The following DAB1 variants were observed in gnomAD, a reference collection of about 807,000 sequenced individuals.
The protein encoded by DAB1 is disabled homolog 1.
A neutral mutation model predicts 64.6 loss-of-function variants in DAB1; 15 were observed. The ratio of observed to expected loss-of-function variants is 0.23; its 90% CI spans 0.16 to 0.36. The LOEUF is 0.36. DAB1 is among the 10% of genes least tolerant of loss of function. The probability of loss-of-function intolerance (pLI) is 1.00; values close to 1 mark genes in which losing one functional copy is unlikely to be tolerated. For synonymous variants in DAB1, 235 were observed against 251.9 expected, an observed-to-expected ratio of 0.93 and a Z score of 0.64; for missense variants, 596 against 706.7, an observed-to-expected ratio of 0.84 and a Z score of 1.78.
intron 5 of DAB1, among the ~76,000 whole-genome samples, chr1:58,125,148 A>G (rs551515867): frequency 4.6e-5 from 7 of 152,216 alleles, no homozygotes; most frequent in Non-Finnish European, 7.3e-5. Context: ...TCACTGAAGA[A>G]GCATTTAAAA....
Position 57,146,238 on chromosome 1 carries a change from G to C in DAB1, c.68-809C>G, listed in dbSNP as rs187788159. 3.9e-5 allele frequency among the ~76,000 whole-genome samples: 6 copies of C among 152,250 alleles called. No homozygotes were observed. The East Asian group carries it at 9.6e-4, about 24-fold the overall frequency. On this transcript the variant is annotated intron_variant, in intron 2 of 14. Transcript: ENST00000371236. ...TTTCCATTTTCCAGATGATGAAGTC[G>C]AAGGTCACAGAGTTTAGGTAGCTTG...
At chr1:57,915,567 TC>T (rs34396068) in intron 5 of DAB1, among the ~76,000 whole-genome samples, 8,775 of 151,776 alleles carry the variant, frequency 0.058, 830 homozygotes, top group African/African-American at 0.2. Context: ...TGCTTTCAAT[TC>T]CCCCCCAGCT....
At chr1:57,763,064 C>A (rs571198014) in intron 6 of DAB1, among the ~76,000 whole-genome samples, 8 of 152,110 alleles carry the variant, frequency 5.3e-5, no homozygotes, top group Non-Finnish European at 8.8e-5. Flanking sequence ...CTCTACCACT[C>A]CCTCCCCTAT....
At chr1:57,635,268 G>T (rs755934814) in intron 7 of DAB1, among the ~76,000 whole-genome samples, 18 of 152,120 alleles carry the variant, frequency 1.2e-4, no homozygotes, top group Non-Finnish European at 2.2e-4. Flanking sequence ...TAATCCAGGG[G>T]TCCCCAAACC....
intron 7 of DAB1, among the ~76,000 whole-genome samples, chr1:57,584,287 C>A (rs534221980): frequency 2.3e-4 from 35 of 152,316 alleles, no homozygotes; most frequent in African/African-American, 8.2e-4. Flanking sequence ...CTCTGTGAAT[C>A]TGTTGTGATT....
At chr1:58,250,541 C>G (rs1157097989) in intron 4 of DAB1, among the ~76,000 whole-genome samples, 1 of 152,202 alleles carries the variant, frequency 6.6e-6, no homozygotes, top group Non-Finnish European at 1.5e-5. Context: ...ATACCTTATA[C>G]ATCACTACCG....
intron 1 of DAB1, among the ~76,000 whole-genome samples, chr1:57,366,289 T>C (rs1679988422): frequency 6.6e-6 from 1 of 152,386 alleles, no homozygotes; most frequent in East Asian, 1.9e-4. Context: ...ACAAATATGC[T>C]TCCTTCCATT....
At chr1:58,076,499 G>A (rs1392659460) in intron 5 of DAB1, among the ~76,000 whole-genome samples, 1 of 152,202 alleles carries the variant, frequency 6.6e-6, no homozygotes, top group Non-Finnish European at 1.5e-5. Context: ...AGTGTTAAAA[G>A]AAAGGAGCCA....
At chr1:57,877,623 C>T (rs867983255) in intron 1 of DAB1, among the ~76,000 whole-genome samples, 1 of 22,948 alleles carries the variant, frequency 4.4e-5, no homozygotes, top group Non-Finnish European at 8.2e-5. Flanking sequence ...TGCAGTGGCG[C>T]AATCTCGGCT....
intron 3 of DAB1, among the ~76,000 whole-genome samples, chr1:58,419,332 G>A (rs1379919821): frequency 6.6e-6 from 1 of 152,128 alleles, no homozygotes; most frequent in Non-Finnish European, 1.5e-5. Flanking sequence ...GACTAATGGT[G>A]TTTATCTCAC....
chr1:57,527,088 C>T (rs1644602335), intron 7 of DAB1, among the ~76,000 whole-genome samples: 1 of 152,136 alleles, frequency 6.6e-6, no homozygotes, highest in African/African-American at 2.4e-5. Flanking sequence ...GTGCTCTTTC[C>T]ATGAAACTAG....
At chr1:57,462,071 A>T (rs1204026979) in intron 7 of DAB1, among the ~76,000 whole-genome samples, 1 of 144,722 alleles carries the variant, frequency 6.9e-6, no homozygotes, top group East Asian at 2.1e-4. Context: ...CTCCTGCCTC[A>T]GCCTCCCAAG....
At chr1:57,663,623 T>A (rs1401224957) in intron 6 of DAB1, among the ~76,000 whole-genome samples, 1 of 152,114 alleles carries the variant, frequency 6.6e-6, no homozygotes, top group African/African-American at 2.4e-5. Flanking sequence ...TCCCTCCCAA[T>A]ATTTTCTTAT....
intron 5 of DAB1, among the ~76,000 whole-genome samples, chr1:57,993,844 C>T (rs1433759770): frequency 1.3e-5 from 2 of 152,170 alleles, no homozygotes; most frequent in Non-Finnish European, 2.9e-5. Context: ...CCTACAATCC[C>T]AACCCCAGTA....
intron 3 of DAB1, among the ~76,000 whole-genome samples, chr1:58,423,734 C>T (rs774303561): frequency 6.6e-6 from 1 of 152,220 alleles, no homozygotes; most frequent in Non-Finnish European, 1.5e-5. Flanking sequence ...TGACCTTCTT[C>T]GTGGGCTCCA....
At chr1:58,237,150 C>T (rs1169803718) in intron 4 of DAB1, among the ~76,000 whole-genome samples, 2 of 152,092 alleles carry the variant, frequency 1.3e-5, no homozygotes, top group Non-Finnish European at 2.9e-5. Context: ...GGAGGAGAAA[C>T]AGGCACAGAA....
intron 3 of DAB1, among the ~76,000 whole-genome samples, chr1:58,472,318 C>T (rs1296723857): frequency 6.6e-6 from 1 of 152,246 alleles, no homozygotes; most frequent in Non-Finnish European, 1.5e-5. Context: ...AATAGTTCTT[C>T]CTCATCTGTC....
intron 9 of DAB1, among the ~76,000 whole-genome samples, chr1:57,039,791 T>C (rs1009858629): frequency 6.6e-6 from 1 of 152,202 alleles, no homozygotes; most frequent in South Asian, 2.1e-4. Context: ...AAAATCATTA[T>C]GCAAATAAGC....
intron 2 of DAB1, among the ~76,000 whole-genome samples, chr1:57,274,648 T>A (rs1328950605): frequency 3.3e-5 from 5 of 152,168 alleles, no homozygotes; most frequent in African/African-American, 1.2e-4. Context: ...CTGCGCCATC[T>A]CAGCTCACCG....
Sources: gnomAD v4.1 joint callset for allele counts (sites outside exome capture counted in the v4.1 genomes callset) on GRCh38, gnomAD v4.1.1 for gene constraint, MANE v1.5 for transcripts, NCBI Gene and HGNC (gene_info 2026-07-23, HGNC 2026-07-21) for gene names.